PUM1: variants seen among roughly 807,000 people sequenced by gnomAD.
PUM1 encodes pumilio homolog 1.
Under a neutral mutation model 131.8 loss-of-function variants are expected in PUM1, and 13 were observed. The observed-to-expected ratio is 0.10, with a 90% CI of 0.06 to 0.16. PUM1 has a LOEUF of 0.16. Among genes scored for constraint, PUM1 ranks in the 10% least tolerant of loss-of-function variants. PUM1 has a pLI of 1.00. For missense variants in PUM1, 961 were observed against 1,512.4 expected, an observed-to-expected ratio of 0.64 and a Z score of 6.05; for synonymous variants, 509 against 556.5, an observed-to-expected ratio of 0.91 and a Z score of 1.20.
At chr1:30,967,445 T>C in intron 11 of PUM1, 135 bp from the exon 12 acceptor site, 2 of 736,096 alleles carry the variant, frequency 2.7e-6, no homozygotes, top group Middle Eastern at 2.7e-4. Flanking sequence ...CTCCATCACT[T>C]AAATAGTTGA....
At chr1:30,999,661 C>T (rs536569500) in intron 5 of PUM1, among the ~76,000 whole-genome samples, 24 of 137,694 alleles carry the variant, frequency 1.7e-4, no homozygotes, top group African/African-American at 6.5e-4. Context: ...AACCAGGGTG[C>T]ACAGAACCTA....
intron 2 of PUM1, among the ~76,000 whole-genome samples, chr1:31,033,707 G>C (rs1643515478): frequency 6.6e-6 from 1 of 151,060 alleles, no homozygotes; most frequent in African/African-American, 2.4e-5. Context: ...TGTTACCTAG[G>C]CTGGAATGCA....
At chr1:30,952,432 G>A (rs1260334612) in intron 15 of PUM1, 69 bp from the exon 16 acceptor site, 27 of 1,605,766 alleles carry the variant, frequency 1.7e-5, no homozygotes, top group African/African-American at 4.0e-5. Flanking sequence ...AGTGTACCTC[G>A]GTTTATAGAC....
intron 5 of PUM1, among the ~76,000 whole-genome samples, chr1:30,999,606 C>CAAAAAAAAAAAAAAAAAAAAAA (rs56936440): frequency 3.7e-5 from 2 of 53,956 alleles, no homozygotes; most frequent in African/African-American, 1.4e-4. Flanking sequence ...GACTCTGTCT[C>CAAAAAAAAAAAAAAAAAAAAAA]AAAAAAAAAA....
At chr1:31,044,921 T>C (rs1643916254) in intron 2 of PUM1, among the ~76,000 whole-genome samples, 2 of 152,116 alleles carry the variant, frequency 1.3e-5, no homozygotes, top group Non-Finnish European at 2.9e-5. Context: ...ACAACTCTCT[T>C]GCCTCAGCCT....
intron 4 of PUM1, among the ~76,000 whole-genome samples, chr1:31,006,356 A>G (rs1248632053): frequency 5.3e-5 from 8 of 152,190 alleles, no homozygotes; most frequent in African/African-American, 1.9e-4. Flanking sequence ...ACAAAATATG[A>G]TTTTACTGCC....
intron 10 of PUM1, 90 bp downstream of exon 10, chr1:30,974,561 A>G (rs1209879746): frequency 4.0e-6 from 5 of 1,262,480 alleles, no homozygotes; most frequent in Non-Finnish European, 2.2e-6. Flanking sequence ...ATGCATTCAC[A>G]GTGTTTTTCT....
Position 30,955,478 on chromosome 1 carries a change from AC to A in PUM1, c.2324-1498del, listed in dbSNP as rs1487051780. ...AGACTCCATCTGAAAAAAAAAAAAA[AC>A]CAAACCAAAACAAAACAAAACAAAA... is the stretch of plus-strand genomic sequence containing the variant. On this transcript the variant is annotated intron_variant, in intron 14 of 21. Coordinates refer to ENST00000426105, the MANE Select transcript of PUM1 (RefSeq NM_001020658.2). Among the ~76,000 whole-genome samples the A allele has an allele frequency of 1.2e-4, 18 of 150,358 alleles. No homozygotes were observed. In the South Asian group the frequency reaches 3.6e-3, roughly 30 times the overall value.
chr1:30,964,877 C>G lies in PUM1; in HGVS notation c.2120G>C (p.Arg707Pro), dbSNP rs1368398894. ...ANSNTGSGSRRDSLTGSSDLY... is the reference protein window; with the variant it reads ...ANSNTGSGSRPDSLTGSSDLY... Reference sequence around the variant, plus strand: ...GTCACTGCTGCCAGTCAGGGAGTCACGGCGGGAGCCACTGCCAGTGTTGGA... The same window carrying G: ...GTCACTGCTGCCAGTCAGGGAGTCAGGGCGGGAGCCACTGCCAGTGTTGGA... The change falls in exon 14 of 22, where the codon CGT becomes CCT. Residue 707 changes from arginine (R) to proline (P), a missense_variant. By Grantham distance (103) the Arg-to-Pro change is moderately radical (BLOSUM62 -2). Around this residue, in one of 4 missense-constraint regions of PUM1, gnomAD observed 654 missense variants for 923.9 expected, o/e 0.71. Coordinates refer to ENST00000426105, the MANE Select transcript of PUM1 (RefSeq NM_001020658.2). The G allele has an allele frequency of 6.2e-7, 1 of 1,612,838 alleles. No homozygotes were observed. Among genetic ancestry groups the G allele is most frequent in the Non-Finnish European group, 8.5e-7 (1 of 1,179,782 alleles).
chr1:30,953,810 A>G lies in PUM1; in HGVS notation c.2495T>C (p.Leu832Pro), dbSNP rs754848208. 4 of 1,614,188 alleles carry G rather than the reference A, an allele frequency of 2.5e-6. No individual in the cohort carries two copies. The South Asian group carries it at 4.4e-5, about 18-fold the overall frequency. Reference protein sequence around the residue: ...SDVMPSGRSRLLEDFRNNRYP... With the variant: ...SDVMPSGRSRPLEDFRNNRYP... Reference sequence around the variant, plus strand: ...CCGGTTGTTTCGAAAATCTTCCAAAAGCCTGCTCCTGCCAGAAGGCATGAC... The same window carrying G: ...CCGGTTGTTTCGAAAATCTTCCAAAGGCCTGCTCCTGCCAGAAGGCATGAC... Residue 832 changes from leucine (L) to proline (P), a missense_variant, in exon 15 of 22, where the codon CTT becomes CCT. By Grantham distance (98) the Leu-to-Pro change is moderately conservative. Around this residue, in one of 4 missense-constraint regions of PUM1, gnomAD observed 117 missense variants for 200.7 expected, o/e 0.58. Coordinates refer to ENST00000426105, the MANE Select transcript of PUM1 (RefSeq NM_001020658.2).
chr1:31,015,575 T>C (rs1444886062), intron 3 of PUM1, among the ~76,000 whole-genome samples: 1 of 152,052 alleles, frequency 6.6e-6, no homozygotes, highest in African/African-American at 2.4e-5. Context: ...TCTCCTGATC[T>C]CGTGATCTGC....
In PUM1 at chr1:31,059,234, A is replaced by G; in HGVS notation, c.333T>C (p.Pro111=). The change falls in exon 2 of 22, where the codon CCT becomes CCC. Residue 111 remains proline (P), a synonymous_variant. Coordinates refer to ENST00000426105, the MANE Select transcript of PUM1 (RefSeq NM_001020658.2). ...GGYNNSKHRW[P]TGDNIHAEHQ... is the part of the protein sequence containing the mutation. Reference sequence around the variant, plus strand: ...GTTCTGCATGAATGTTATCCCCAGTAGGCCATCGATGTTTGCTATTATTAT... The same window carrying G: ...GTTCTGCATGAATGTTATCCCCAGTGGGCCATCGATGTTTGCTATTATTAT... 6.2e-7 allele frequency: 1 copy of G among 1,606,656 alleles called. No homozygotes were observed. Among genetic ancestry groups the G allele is most frequent in the Non-Finnish European group, 8.5e-7 (1 of 1,176,660 alleles).
intron 20 of PUM1, among the ~76,000 whole-genome samples, chr1:30,937,051 C>T (rs72884036): frequency 0.28 from 42,307 of 151,940 alleles, 7,551 homozygotes; most frequent in East Asian, 0.53. Flanking sequence ...GGGAACGTGG[C>T]ATTAAATCAG....
intron 2 of PUM1, among the ~76,000 whole-genome samples, chr1:31,055,144 A>T (rs1570366180): frequency 1.3e-5 from 2 of 151,956 alleles, no homozygotes; most frequent in African/African-American, 4.8e-5. Flanking sequence ...ACCCTCTTAC[A>T]CCTCCTATCC....
At chr1:31,059,650 T>TG (rs1644324248) in intron 1 of PUM1, 73 bp from the exon 2 acceptor site, 1 of 1,479,044 alleles carries the variant, frequency 6.8e-7, no homozygotes, top group South Asian at 1.4e-5. Flanking sequence ...GATAAAAACA[T>TG]GAACCCCATG....
chr1:31,008,210 T>C (rs1642464214), intron 3 of PUM1, among the ~76,000 whole-genome samples: 1 of 152,236 alleles, frequency 6.6e-6, no homozygotes, highest in Non-Finnish European at 1.5e-5. Context: ...AATTAAACTC[T>C]GCTCTCACTA....
At chr1:30,984,728 T>C (rs1641479948) in intron 7 of PUM1, among the ~76,000 whole-genome samples, 1 of 152,202 alleles carries the variant, frequency 6.6e-6, no homozygotes, top group Non-Finnish European at 1.5e-5. Context: ...CAGAAAGGAA[T>C]CCGGGCAGCC....
At chr1:31,005,741 T>C (rs1642376457) in intron 5 of PUM1, 112 bp downstream of exon 5, 2 of 1,024,976 alleles carry the variant, frequency 2.0e-6, no homozygotes, top group Admixed American at 2.7e-5. Flanking sequence ...TAATTAATGC[T>C]GTGAACATCT....
chr1:31,054,196 G>A (rs7532483), intron 2 of PUM1, among the ~76,000 whole-genome samples: 42,601 of 150,884 alleles, frequency 0.28, 6,483 homozygotes, highest in Non-Finnish European at 0.34. Flanking sequence ...GTGTTGTGAC[G>A]TGTGCCTGTG....
Sources: allele counts gnomAD v4.1 joint callset (sites outside exome capture counted in the v4.1 genomes callset), GRCh38; gene constraint gnomAD v4.1.1; regional missense constraint gnomAD v4.1.1; transcripts MANE v1.5; gene names NCBI Gene and HGNC (gene_info 2026-07-23, HGNC 2026-07-21).